Variants in SYN3 observed in about 807,000 individuals in gnomAD.
The protein encoded by SYN3 is synapsin-3.
SYN3 carries 35 observed loss-of-function variants against 65.8 expected under a neutral mutation model. That is an observed-to-expected ratio of 0.53 (90% CI 0.41 to 0.70). The LOEUF is 0.70. Among genes scored for constraint, SYN3 ranks in the 30% least tolerant of loss-of-function variants. SYN3 has a pLI of 0.00. For missense variants in SYN3, 680 were observed against 749.0 expected, an observed-to-expected ratio of 0.91 and a Z score of 1.08; for synonymous variants, 270 against 292.9, an observed-to-expected ratio of 0.92 and a Z score of 0.80.
At chr22:32,807,394 A>ATATATT in intron 6 of SYN3, among the ~76,000 whole-genome samples, 1 of 100,598 alleles carries the variant, frequency 9.9e-6, no homozygotes, top group African/African-American at 3.9e-5. Context: ...TATTATATAT[A>ATATATT]ATATATATAT....
chr22:32,920,264 T>C (rs769792858), intron 4 of SYN3, among the ~76,000 whole-genome samples: 1 of 152,238 alleles, frequency 6.6e-6, no homozygotes, highest in Non-Finnish European at 1.5e-5. Context: ...TCGGGTGTTT[T>C]TCATTCTTGG....
At chr22:32,797,725 T>C (rs572927536) in intron 6 of SYN3, among the ~76,000 whole-genome samples, 22 of 152,288 alleles carry the variant, frequency 1.4e-4, no homozygotes, top group African/African-American at 4.6e-4. Flanking sequence ...TCAGTGTTCG[T>C]TGCGAAACTG....
intron 6 of SYN3, among the ~76,000 whole-genome samples, chr22:32,834,327 T>A (rs130298): frequency 2.1e-4 from 22 of 102,434 alleles, no homozygotes; most frequent in Admixed American, 5.7e-4. Flanking sequence ...TAATTTATTT[T>A]TTTTTTTGTA....
chr22:32,718,008 CAG>C (rs2061062187), intron 6 of SYN3, among the ~76,000 whole-genome samples: 1 of 152,208 alleles, frequency 6.6e-6, no homozygotes, highest in Non-Finnish European at 1.5e-5. Context: ...CAAGCCCAGA[CAG>C]AGATTTAAGG....
Position 32,508,081 on chromosome 22 carries a change from C to T in SYN3, c.*5611G>A, listed in dbSNP as rs1478732523. 2.0e-5 allele frequency among the ~76,000 whole-genome samples: 3 copies of T among 152,212 alleles called. No homozygotes were observed. The highest frequency in any genetic ancestry group is 4.4e-5 in the Non-Finnish European group (3 of 68,048). ...ATAAGAAGGCAGGAATGTCAGGCCTCTGAGCCCAAGCCAAGCCATCGCATC... is the reference window on the plus strand; with the variant it reads ...ATAAGAAGGCAGGAATGTCAGGCCTTTGAGCCCAAGCCAAGCCATCGCATC... On this transcript the variant is annotated 3_prime_UTR_variant, in exon 14 of 14. Transcript: ENST00000358763.
intron 6 of SYN3, among the ~76,000 whole-genome samples, chr22:32,620,969 C>T (rs1355324724): frequency 5.3e-5 from 8 of 152,296 alleles, no homozygotes; most frequent in Admixed American, 2.6e-4. Context: ...CCACCCACCT[C>T]GGTCTCCCAA....
At chr22:32,655,915 G>T (rs962433989) in intron 6 of SYN3, among the ~76,000 whole-genome samples, 1 of 152,136 alleles carries the variant, frequency 6.6e-6, no homozygotes, top group Non-Finnish European at 1.5e-5. Flanking sequence ...TGCCAAAAAG[G>T]TTGGGAGTCG....
chr22:32,978,280 T>C (rs1484837765), intron 3 of SYN3, among the ~76,000 whole-genome samples: 1 of 151,712 alleles, frequency 6.6e-6, no homozygotes, highest in African/African-American at 2.4e-5. Flanking sequence ...GTCAGCAGGG[T>C]CCAGTCATTG....
At chr22:32,625,661 C>T (rs3788467) in intron 6 of SYN3, among the ~76,000 whole-genome samples, 24,568 of 152,184 alleles carry the variant, frequency 0.16, 2,461 homozygotes, top group Non-Finnish European at 0.22. Context: ...TGGTTGACCA[C>T]CTGGCTGTGA....
chr22:33,003,647 A>G (rs1220677882), intron 2 of SYN3, among the ~76,000 whole-genome samples: 1 of 152,202 alleles, frequency 6.6e-6, no homozygotes. Context: ...TTCAAGAGGA[A>G]GCAGAGCATA....
At chr22:32,538,742 G>A (rs960579156) in intron 8 of SYN3, among the ~76,000 whole-genome samples, 1 of 152,022 alleles carries the variant, frequency 6.6e-6, no homozygotes, top group African/African-American at 2.4e-5. Context: ...GGTTTCATCT[G>A]ACATACGACT....
At chr22:32,685,444 C>T (rs1056044010) in intron 6 of SYN3, among the ~76,000 whole-genome samples, 7 of 152,148 alleles carry the variant, frequency 4.6e-5, no homozygotes, top group African/African-American at 1.7e-4. Context: ...AACAGTGGTC[C>T]CACAAGATTG....
chr22:32,882,591 G>C (rs935760286), intron 4 of SYN3, among the ~76,000 whole-genome samples: 14 of 152,156 alleles, frequency 9.2e-5, no homozygotes, highest in Admixed American at 7.2e-4. Flanking sequence ...AGGACAAGCA[G>C]CCTCTCCAAT....
chr22:32,632,836 C>T (rs1009675012), intron 6 of SYN3, among the ~76,000 whole-genome samples: 4 of 152,210 alleles, frequency 2.6e-5, no homozygotes, highest in South Asian at 2.1e-4. Flanking sequence ...ATTAACGTGA[C>T]GCATACAGGG....
intron 7 of SYN3, among the ~76,000 whole-genome samples, chr22:32,551,240 G>C (rs1038670824): frequency 6.6e-6 from 1 of 152,138 alleles, no homozygotes; most frequent in Non-Finnish European, 1.5e-5. Context: ...ATAATGTGTG[G>C]ATCAGGCAGA....
At chr22:32,732,128 G>A (rs142201590) in intron 6 of SYN3, among the ~76,000 whole-genome samples, 41 of 152,286 alleles carry the variant, frequency 2.7e-4, no homozygotes, top group Non-Finnish European at 5.3e-4. Context: ...ACCTTCACTT[G>A]CTTAGTACTA....
At chr22:32,665,778 T>C (rs1009552000) in intron 6 of SYN3, among the ~76,000 whole-genome samples, 10 of 152,160 alleles carry the variant, frequency 6.6e-5, no homozygotes, top group Non-Finnish European at 1.0e-4. Context: ...CTTTTCTCTT[T>C]TTCTGTCCAT....
intron 3 of SYN3, among the ~76,000 whole-genome samples, chr22:32,963,887 A>G (rs1216431754): frequency 6.6e-6 from 1 of 152,198 alleles, no homozygotes; most frequent in African/African-American, 2.4e-5. Flanking sequence ...GGTTCTGTCC[A>G]ATGAATGCAA....
At chr22:32,785,982 T>C (rs957908103) in intron 6 of SYN3, among the ~76,000 whole-genome samples, 2 of 140,722 alleles carry the variant, frequency 1.4e-5, no homozygotes, top group African/African-American at 5.4e-5. Context: ...TCCAAGGAAT[T>C]CAAACCACTT....
Sources: gnomAD v4.1 joint callset for allele counts (sites outside exome capture counted in the v4.1 genomes callset) on GRCh38, gnomAD v4.1.1 for gene constraint, MANE v1.5 for transcripts, NCBI Gene and HGNC (gene_info 2026-07-23, HGNC 2026-07-21) for gene names.